STK17B: variants seen among roughly 807,000 people sequenced by gnomAD.
The protein encoded by STK17B is serine/threonine-protein kinase 17B.
STK17B carries 21 observed loss-of-function variants against 42.0 expected under a neutral mutation model. The observed-to-expected ratio is 0.50, with a 90% CI of 0.35 to 0.72. STK17B has a LOEUF of 0.72. Among genes scored for constraint, STK17B ranks in the 30% least tolerant of loss-of-function variants. STK17B has a pLI of 0.00. For missense variants in STK17B, 349 were observed against 446.0 expected (o/e 0.78, Z 1.96); for synonymous variants, 143 against 148.4 (o/e 0.96, Z 0.26).
intron 1 of STK17B, among the ~76,000 whole-genome samples, chr2:196,166,724 G>T (rs923951748): frequency 6.6e-6 from 1 of 152,138 alleles, no homozygotes; most frequent in Non-Finnish European, 1.5e-5. Flanking sequence ...GAAATGTTAG[G>T]CTTGATCTGG....
rs565941539 is a variant in STK17B, at chr2:196,169,997, AGAG to A, written c.-45+1333_-45+1335del. ...AAAAAGTTTAATTGAGCATCTGCTCAGAGGAGGAGGATCCGAGGCAGATGAGTT... is the reference window on the plus strand; with the variant it reads ...AAAAAGTTTAATTGAGCATCTGCTCAGAGGAGGATCCGAGGCAGATGAGTT... On this transcript the variant is annotated intron_variant, in intron 1 of 7. Coordinates refer to ENST00000263955, the MANE Select transcript of STK17B (RefSeq NM_004226.4). 3.3e-5 allele frequency among the ~76,000 whole-genome samples: 5 copies of A among 152,332 alleles called. No individual in the cohort carries two copies. In the South Asian group the frequency reaches 8.3e-4, roughly 25 times the overall value.
rs890938788 is a variant in STK17B, at chr2:196,163,251, G to A, written c.122+11C>T. ...AATTTAGATGGCATACACGTCATAT[G>A]GTTTTCTTACCTCCCTAGCTCTTTA... On this transcript the variant is annotated intron_variant, in intron 2 of 7. Transcript: ENST00000263955. 2 of 1,608,052 alleles carry A rather than the reference G, an allele frequency of 1.2e-6. No individual in the cohort carries two copies. The highest frequency in any genetic ancestry group is 2.2e-5 in the East Asian group (1 of 44,664).
At chr2:196,144,752 G>T (rs1476841231) in intron 4 of STK17B, among the ~76,000 whole-genome samples, 3 of 152,050 alleles carry the variant, frequency 2.0e-5, no homozygotes, top group Admixed American at 2.0e-4. Flanking sequence ...CAGGCCCACG[G>T]CCTATTACAA....
chr2:196,158,789 ATCCAGAGG>A (rs1354138735), intron 2 of STK17B, among the ~76,000 whole-genome samples: 9 of 152,130 alleles, frequency 5.9e-5, no homozygotes. Context: ...AGGCGGGCAG[ATCCAGAGG>A]TCAGGAGATC....
intron 7 of STK17B, among the ~76,000 whole-genome samples, chr2:196,138,571 G>T (rs551329450): frequency 1.4e-3 from 214 of 149,036 alleles, no homozygotes; most frequent in Non-Finnish European, 2.5e-3. Context: ...ATCACTTTTG[G>T]TTTTTTTTTG....
At chr2:196,166,846 A>G (rs1014972425) in intron 1 of STK17B, among the ~76,000 whole-genome samples, 2 of 152,220 alleles carry the variant, frequency 1.3e-5, no homozygotes, top group Admixed American at 6.5e-5. Flanking sequence ...TTTATTTCAA[A>G]ATTATCAAAT....
rs1213599847 is a variant in STK17B at position 196,135,815 on chromosome 2, T to C, written c.*1632A>G. 2 of 141,992 alleles carry C rather than the reference T, an allele frequency of 1.4e-5. No homozygotes were observed. Among genetic ancestry groups the C allele is most frequent in the Admixed American group, 7.1e-5 (1 of 14,084 alleles). The allele number at this position is 141,992 out of a possible 1,614,324, so 8.8% of individuals were successfully genotyped here. ...AAAAAAAAAAAGCTCCTTTGGCACC[T>C]GAGTTGAGCACAATATACCACAGCA... On this transcript the variant is annotated 3_prime_UTR_variant, in exon 8 of 8. Transcript: ENST00000263955.
intron 2 of STK17B, among the ~76,000 whole-genome samples, chr2:196,161,536 T>TTTTTTA (rs1699812550): frequency 6.9e-6 from 1 of 145,722 alleles, no homozygotes; most frequent in Non-Finnish European, 1.5e-5. Context: ...TTTTTTTTTT[T>TTTTTTA]GAGACAAAGT....
intron 4 of STK17B, among the ~76,000 whole-genome samples, chr2:196,144,154 A>G (rs1699533532): frequency 6.6e-6 from 1 of 151,200 alleles, no homozygotes; most frequent in Non-Finnish European, 1.5e-5. Flanking sequence ...CCTGTGCAAC[A>G]TAGTGAGACC....
intron 1 of STK17B, among the ~76,000 whole-genome samples, chr2:196,168,358 T>C (rs754695964): frequency 2.0e-5 from 3 of 152,080 alleles, no homozygotes; most frequent in Non-Finnish European, 4.4e-5. Flanking sequence ...AAAACGGAAA[T>C]AGAGTGGGGG....
At chr2:196,153,843 G>C (rs1699701321) in intron 3 of STK17B, 1 of 152,094 alleles carries the variant, frequency 6.6e-6, no homozygotes, top group South Asian at 2.1e-4. Flanking sequence ...AACATAATGG[G>C]TTATTTTCCA....
intron 2 of STK17B, among the ~76,000 whole-genome samples, chr2:196,157,259 C>T (rs1699752729): frequency 6.6e-6 from 1 of 151,998 alleles, no homozygotes; most frequent in African/African-American, 2.4e-5. Context: ...AGTATCACAA[C>T]AATCCTATAT....
At chr2:196,160,379 G>A (rs1346181064) in intron 2 of STK17B, among the ~76,000 whole-genome samples, 1 of 152,096 alleles carries the variant, frequency 6.6e-6, no homozygotes, top group African/African-American at 2.4e-5. Context: ...TACCCAACAT[G>A]TTAAAAAACA....
intron 3 of STK17B, among the ~76,000 whole-genome samples, chr2:196,155,335 GT>G (rs572254306): frequency 1.3e-4 from 20 of 152,112 alleles, no homozygotes; most frequent in Non-Finnish European, 2.5e-4. Flanking sequence ...CCTTAAGACG[GT>G]TCTGGGAAAT....
At chr2:196,144,411 C>T (rs1277599301) in intron 4 of STK17B, among the ~76,000 whole-genome samples, 6 of 135,252 alleles carry the variant, frequency 4.4e-5, no homozygotes, top group South Asian at 2.4e-4. Context: ...GGCGTGAACC[C>T]GGGAGGTGGA....
chr2:196,164,457 CTAT>C (rs528637332), intron 1 of STK17B, among the ~76,000 whole-genome samples: 100 of 152,264 alleles, frequency 6.6e-4, no homozygotes, highest in Non-Finnish European at 1.3e-3. Context: ...GTTATCAAAA[CTAT>C]TATATTAATT....
intron 1 of STK17B, among the ~76,000 whole-genome samples, chr2:196,168,127 A>G (rs562859666): frequency 7.2e-5 from 11 of 152,234 alleles, no homozygotes; most frequent in Non-Finnish European, 1.6e-4. Flanking sequence ...TTTTGAACAG[A>G]AAATATAATT....
At position 196,137,208 on chromosome 2, in the gene STK17B, T is replaced by A. The variant is rs1699418672; in HGVS notation, c.*239A>T. ...TATTTCATTAACATGTAAACTCACA[T>A]GTACAATTTTACTTTTTGTCATATA... On this transcript the variant is annotated 3_prime_UTR_variant, in exon 8 of 8. Transcript: ENST00000263955. The A allele has an allele frequency of 2.3e-6, 1 of 438,494 alleles. No homozygotes were observed. Among genetic ancestry groups the A allele is most frequent in the Non-Finnish European group, 4.0e-6 (1 of 249,566 alleles). The allele number at this position is 438,494 out of a possible 1,614,324, so 27.2% of individuals were successfully genotyped here.
chr2:196,164,849 T>G (rs945085758), intron 1 of STK17B, among the ~76,000 whole-genome samples: 1 of 152,186 alleles, frequency 6.6e-6, no homozygotes, highest in African/African-American at 2.4e-5. Context: ...CATAACTAGA[T>G]AGTAAAATTG....
Sources: gnomAD v4.1 joint callset for allele counts (sites outside exome capture counted in the v4.1 genomes callset) on GRCh38, gnomAD v4.1.1 for gene constraint, MANE v1.5 for transcripts, NCBI Gene and HGNC (gene_info 2026-07-23, HGNC 2026-07-21) for gene names.